Variants in SLC6A15 observed in about 807,000 individuals in gnomAD.
SLC6A15 encodes solute carrier family 6 member 15.
Under a neutral mutation model 68.5 loss-of-function variants are expected in SLC6A15, and 33 were observed. The observed-to-expected ratio is 0.48, with a 90% CI of 0.37 to 0.64. The LOEUF (loss-of-function observed/expected upper bound fraction) is 0.64, where lower values mean the gene tolerates loss of function less well. Among genes scored for constraint, SLC6A15 ranks in the 30% least tolerant of loss-of-function variants. SLC6A15 has a pLI of 0.00. For synonymous variants in SLC6A15, 347 were observed against 301.0 expected (o/e 1.15, Z -1.58); for missense variants, 747 against 874.3 (o/e 0.85, Z 1.84).
chr12:84,899,241 T>A (rs1430609880), intron 1 of SLC6A15, among the ~76,000 whole-genome samples: 1 of 152,092 alleles, frequency 6.6e-6, no homozygotes, highest in African/African-American at 2.4e-5. Flanking sequence ...CCTAAGTCCA[T>A]ACTGATTCAA....
At chr12:84,868,045 C>T (rs1280546815) in intron 9 of SLC6A15, among the ~76,000 whole-genome samples, 1 of 152,066 alleles carries the variant, frequency 6.6e-6, no homozygotes, top group African/African-American at 2.4e-5. Flanking sequence ...GGTGAGTAAA[C>T]TTGAAAGAAG....
chr12:84,875,082 T>G (rs1460162403), intron 6 of SLC6A15, among the ~76,000 whole-genome samples: 1 of 152,170 alleles, frequency 6.6e-6, no homozygotes, highest in Non-Finnish European at 1.5e-5. Context: ...AATTCTAAAA[T>G]ATCTAGCTAA....
intron 2 of SLC6A15, among the ~76,000 whole-genome samples, chr12:84,888,370 C>A (rs1012312622): frequency 4.6e-5 from 7 of 151,964 alleles, no homozygotes; most frequent in African/African-American, 9.7e-5. Context: ...CCTAAGTGCC[C>A]ATCGACTAAT....
chr12:84,893,362 T>C (rs1359209279), intron 1 of SLC6A15, among the ~76,000 whole-genome samples: 2 of 152,126 alleles, frequency 1.3e-5, no homozygotes, highest in African/African-American at 2.4e-5. Flanking sequence ...GTACATTATA[T>C]ATGTGATCAG....
chr12:84,911,705 A>G (rs1260357533), intron 1 of SLC6A15, among the ~76,000 whole-genome samples: 3 of 152,086 alleles, frequency 2.0e-5, no homozygotes, highest in East Asian at 1.9e-4. Context: ...ATTTCCCTGT[A>G]CTCAATACCG....
rs768062695 is a variant in SLC6A15 at position 84,876,485 on chromosome 12, T to C, written c.867+12A>G. 2 of 1,334,074 alleles carry C rather than the reference T, an allele frequency of 1.5e-6. No individual in the cohort carries two copies. The highest frequency in any genetic ancestry group is 2.7e-5 in the South Asian group (2 of 75,102). The allele number at this position is 1,334,074 out of a possible 1,614,324, so 82.6% of individuals were successfully genotyped here. On this transcript the variant is annotated intron_variant, in intron 6 of 11. Transcript: ENST00000266682. ...CATGATCATAAGCCTTAAATAGAAA[T>C]ATGGTACATACCTTAGGGGTAAACA... is the stretch of plus-strand genomic sequence containing the variant.
At chr12:84,865,497 T>C (rs1871027265) in intron 10 of SLC6A15, among the ~76,000 whole-genome samples, 1 of 152,216 alleles carries the variant, frequency 6.6e-6, no homozygotes, top group Admixed American at 6.5e-5. Context: ...TACACTGGAA[T>C]TCACTGTTTG....
At chr12:84,898,490 C>T (rs1288127949) in intron 1 of SLC6A15, among the ~76,000 whole-genome samples, 1 of 152,048 alleles carries the variant, frequency 6.6e-6, no homozygotes, top group Non-Finnish European at 1.5e-5. Flanking sequence ...ATGTATTGGT[C>T]CCAAATATTT....
chr12:84,886,774 A>G (rs1257005046), intron 2 of SLC6A15, among the ~76,000 whole-genome samples: 1 of 152,190 alleles, frequency 6.6e-6, no homozygotes, highest in Non-Finnish European at 1.5e-5. Flanking sequence ...TTATCCTTGT[A>G]ATAAAATTTC....
chr12:84,900,283 T>C (rs77966118), intron 1 of SLC6A15, among the ~76,000 whole-genome samples: 6,278 of 152,118 alleles, frequency 0.041, 407 homozygotes, highest in African/African-American at 0.14. Flanking sequence ...ATTTTGCTAG[T>C]ATATGCAATA....
Position 84,861,030 on chromosome 12 carries a change from AT to A in SLC6A15, c.*601del. 1 of 152,160 alleles carries A rather than the reference AT, an allele frequency of 6.6e-6. No individual in the cohort carries two copies. Among genetic ancestry groups the A allele is most frequent in the East Asian group, 1.9e-4 (1 of 5,174 alleles). 9.4% of individuals were successfully genotyped at this position (152,160 alleles called of 1,614,324 possible). On this transcript the variant is annotated 3_prime_UTR_variant, in exon 12 of 12. Transcript: ENST00000266682. ...TGATTCTCAGTCACCTCTGAATCTC[AT>A]CTTTCATCCCAGCGTTAGTGCCTTC...
At chr12:84,873,423 T>C in intron 6 of SLC6A15, 95 bp from the exon 7 acceptor site, 6 of 1,339,084 alleles carry the variant, frequency 4.5e-6, no homozygotes, top group Non-Finnish European at 6.2e-6. Context: ...TATACAATGA[T>C]ATTTATGCAT....
chr12:84,899,114 T>C (rs1872745931), intron 1 of SLC6A15, among the ~76,000 whole-genome samples: 1 of 152,196 alleles, frequency 6.6e-6, no homozygotes, highest in Non-Finnish European at 1.5e-5. Context: ...GTTCATATTG[T>C]AGCTCAGATT....
At chr12:84,885,298 G>T in intron 4 of SLC6A15, 137 bp downstream of exon 4, 3 of 816,550 alleles carry the variant, frequency 3.7e-6, no homozygotes, top group Non-Finnish European at 5.2e-6. Context: ...AATCCTGAAT[G>T]TGAGCAAAGT....
At chr12:84,911,942 A>G (rs943702423) in intron 1 of SLC6A15, 6 of 151,726 alleles carry the variant, frequency 4.0e-5, no homozygotes, top group African/African-American at 1.5e-4. Context: ...GGATACCTCA[A>G]GCAAAGGGGA....
intron 5 of SLC6A15, among the ~76,000 whole-genome samples, chr12:84,879,268 C>A (rs1871706387): frequency 6.6e-6 from 1 of 151,854 alleles, no homozygotes; most frequent in Non-Finnish European, 1.5e-5. Flanking sequence ...ATTTACATCC[C>A]CCGTGAAGCC....
Position 84,861,529 on chromosome 12 carries a change from C to A in SLC6A15, c.*103G>T. Reference sequence around the variant, plus strand: ...GATTAAAGATCACAGCCACGGAACACCTGAGATTGCCCTCTGATAAGTGAA... The same window carrying A: ...GATTAAAGATCACAGCCACGGAACAACTGAGATTGCCCTCTGATAAGTGAA... On this transcript the variant is annotated 3_prime_UTR_variant, in exon 12 of 12. Coordinates refer to ENST00000266682, the MANE Select transcript of SLC6A15 (RefSeq NM_182767.6). 7.6e-7 allele frequency: 1 copy of A among 1,317,096 alleles called. No homozygotes were observed. Among genetic ancestry groups the A allele is most frequent in the South Asian group, 1.5e-5 (1 of 68,830 alleles). The allele number at this position is 1,317,096 out of a possible 1,614,324, so 81.6% of individuals were successfully genotyped here.
intron 11 of SLC6A15, among the ~76,000 whole-genome samples, 174 bp downstream of exon 11, chr12:84,863,265 T>TA (rs1450681780): frequency 2.7e-5 from 4 of 147,038 alleles, no homozygotes; most frequent in African/African-American, 1.0e-4. Flanking sequence ...ACAATGTATT[T>TA]AAAAAATCAC....
chr12:84,886,395 G>C (rs979133360), intron 2 of SLC6A15, among the ~76,000 whole-genome samples: 1 of 151,800 alleles, frequency 6.6e-6, no homozygotes, highest in Admixed American at 6.6e-5. Context: ...TCTGGGGCAG[G>C]TTTCACAAAC....
Sources: allele counts gnomAD v4.1 joint callset (sites outside exome capture counted in the v4.1 genomes callset), GRCh38; gene constraint gnomAD v4.1.1; transcripts MANE v1.5; gene names NCBI Gene and HGNC (gene_info 2026-07-23, HGNC 2026-07-21).